The following KLF12 variants were observed in gnomAD, a reference collection of about 807,000 sequenced individuals.
KLF12 encodes the protein Krueppel-like factor 12.
A neutral mutation model predicts 37.8 loss-of-function variants in KLF12; 9 were observed. The ratio of observed to expected loss-of-function variants is 0.24; its 90% CI spans 0.14 to 0.42. The LOEUF is 0.42. Ranked by LOEUF, KLF12 falls within the 10% of genes least tolerant of loss-of-function variation. The pLI, the probability that KLF12 is intolerant of heterozygous loss-of-function variation, is 1.00. For missense variants in KLF12, 411 were observed against 516.0 expected (o/e 0.80, Z 1.97); for synonymous variants, 208 against 202.1 (o/e 1.03, Z -0.25).
At chr13:74,215,385 A>T in the KLF12 span, among the ~76,000 whole-genome samples, 1 of 140,584 alleles carries the variant, frequency 7.1e-6, no homozygotes, top group African/African-American at 2.7e-5. Context: ...GATTTTTTTA[A>T]CCTTTAAAAC....
chr13:73,737,460 C>G (rs1315254441), intron 6 of KLF12, among the ~76,000 whole-genome samples: 2 of 152,162 alleles, frequency 1.3e-5, no homozygotes, highest in Non-Finnish European at 2.9e-5. Context: ...GGATTCCAGT[C>G]TCTTCATCTG....
At chr13:74,295,163 T>C in the KLF12 span, among the ~76,000 whole-genome samples, 1 of 152,218 alleles carries the variant, frequency 6.6e-6, no homozygotes, top group Non-Finnish European at 1.5e-5. Flanking sequence ...TGGAGGACTG[T>C]AGGTAAAAGC....
the KLF12 span, among the ~76,000 whole-genome samples, chr13:74,226,875 T>C: frequency 2.6e-5 from 4 of 152,132 alleles, no homozygotes. Flanking sequence ...CTAGTAGGGA[T>C]TGAGAAACCA....
At chr13:74,000,688 C>T (rs1250632246) in intron 1 of KLF12, among the ~76,000 whole-genome samples, 6 of 152,148 alleles carry the variant, frequency 3.9e-5, no homozygotes, top group African/African-American at 2.4e-5. Flanking sequence ...AATACACAGC[C>T]CATTTTCAGA....
Position 73,965,649 on chromosome 13 carries a change from T to C in KLF12, c.34-21579A>G, listed in dbSNP as rs1353253533. On this transcript the variant is annotated intron_variant, in intron 2 of 7. Transcript: ENST00000377669. ...ATCCCAAGGGCAGATGCAGACAACA[T>C]TCACGCACATAACTGCACACTGCTC... Among the ~76,000 whole-genome samples, 5 of 152,274 alleles carry C rather than the reference T, an allele frequency of 3.3e-5. No individual in the cohort carries two copies. The East Asian group carries it at 7.7e-4, about 24-fold the overall frequency.
chr13:74,248,722 C>A, the KLF12 span, among the ~76,000 whole-genome samples: 46 of 152,182 alleles, frequency 3.0e-4, no homozygotes, highest in Non-Finnish European at 5.4e-4. Flanking sequence ...GTGTTTCTCT[C>A]CAGCTCTGAG....
chr13:73,954,029 A>G (rs1165093083), intron 2 of KLF12, among the ~76,000 whole-genome samples: 4 of 128,628 alleles, frequency 3.1e-5, no homozygotes, highest in Admixed American at 2.9e-4. Flanking sequence ...CCCAGGCTAG[A>G]GTGCAGTGAC....
the KLF12 span, among the ~76,000 whole-genome samples, chr13:74,245,338 TATCATCTACA>T: frequency 7.4e-6 from 1 of 134,526 alleles, no homozygotes; most frequent in Non-Finnish European, 1.7e-5. Flanking sequence ...TCTATCTATC[TATCATCTACA>T]ACATTTTGGT....
chr13:73,723,877 A>C (rs1164180085), intron 6 of KLF12, among the ~76,000 whole-genome samples: 3 of 152,218 alleles, frequency 2.0e-5, no homozygotes, highest in African/African-American at 7.2e-5. Context: ...AATGGCGATC[A>C]TTAAAAAGTC....
At chr13:74,151,206 A>C in the KLF12 span, among the ~76,000 whole-genome samples, 1 of 152,200 alleles carries the variant, frequency 6.6e-6, no homozygotes, top group African/African-American at 2.4e-5. Context: ...AATAGTTTTG[A>C]ATGCTAGGTC....
At chr13:73,969,423 C>A (rs1891265666) in intron 2 of KLF12, among the ~76,000 whole-genome samples, 1 of 152,250 alleles carries the variant, frequency 6.6e-6, no homozygotes, top group African/African-American at 2.4e-5. Flanking sequence ...CTGCCTTCAA[C>A]AGTGTATACC....
intron 6 of KLF12, among the ~76,000 whole-genome samples, chr13:73,747,164 C>T (rs1038197025): frequency 6.6e-6 from 1 of 151,972 alleles, no homozygotes; most frequent in African/African-American, 2.4e-5. Flanking sequence ...CTACTATGGG[C>T]CAGACCTTAT....
chr13:74,278,164 C>G, the KLF12 span, among the ~76,000 whole-genome samples: 15 of 152,306 alleles, frequency 9.8e-5, no homozygotes, highest in African/African-American at 3.6e-4. Flanking sequence ...AGCATCCCCT[C>G]CCTTGCCCCA....
chr13:74,102,675 G>A (rs561438742), intron 1 of KLF12, among the ~76,000 whole-genome samples: 2 of 151,840 alleles, frequency 1.3e-5, no homozygotes, highest in East Asian at 1.9e-4. Context: ...TCCAGCCTGG[G>A]CAACATAGTG....
chr13:74,045,613 A>C (rs1452384214), intron 1 of KLF12, among the ~76,000 whole-genome samples: 1 of 130,984 alleles, frequency 7.6e-6, no homozygotes, highest in African/African-American at 2.9e-5. Context: ...ATTTGATTAC[A>C]GCATTGACGA....
chr13:73,830,997 C>CAA (rs1427261626), intron 4 of KLF12, among the ~76,000 whole-genome samples: 6 of 94,500 alleles, frequency 6.3e-5, no homozygotes, highest in Admixed American at 6.2e-4. Context: ...TTCATACACA[C>CAA]ACACACACAC....
rs1466169969 is a variant in KLF12 at position 73,695,800 on chromosome 13, C to A, written c.1028-129G>T. ...CCGTTGGTAAATCTTTGTCGGGAAACCTTACCATCCCACCAGCGGTCTGGG... is the reference window on the plus strand; with the variant it reads ...CCGTTGGTAAATCTTTGTCGGGAAAACTTACCATCCCACCAGCGGTCTGGG... On this transcript the variant is annotated intron_variant, in intron 7 of 7. Coordinates refer to ENST00000377669, the MANE Select transcript of KLF12 (RefSeq NM_007249.5). 3.6e-6 allele frequency: 3 copies of A among 837,008 alleles called. No homozygotes were observed. In the Admixed American group the frequency reaches 7.2e-5, roughly 20 times the overall value. The allele number at this position is 837,008 out of a possible 1,614,324, so 51.8% of individuals were successfully genotyped here. A position where few individuals can be genotyped will look rare whatever the true frequency, so the allele number is the denominator to read the frequency against.
At chr13:73,944,260 C>T (rs188148929) in intron 2 of KLF12, among the ~76,000 whole-genome samples, 190 bp from the exon 3 acceptor site, 1 of 152,170 alleles carries the variant, frequency 6.6e-6, no homozygotes, top group East Asian at 1.9e-4. Context: ...GAAATAATGA[C>T]CAAGCAGTTG....
At chr13:73,853,210 T>C (rs995652086) in intron 3 of KLF12, among the ~76,000 whole-genome samples, 2 of 152,238 alleles carry the variant, frequency 1.3e-5, no homozygotes, top group African/African-American at 4.8e-5. Flanking sequence ...ACCTTTAAAA[T>C]GTGTTCAATA....
Sources: gnomAD v4.1 joint callset for allele counts (sites outside exome capture counted in the v4.1 genomes callset) on GRCh38, gnomAD v4.1.1 for gene constraint, MANE v1.5 for transcripts, NCBI Gene and HGNC (gene_info 2026-07-23, HGNC 2026-07-21) for gene names.